The following DPYD variants were observed in gnomAD, a reference collection of about 807,000 sequenced individuals.
DPYD encodes the protein dihydropyrimidine dehydrogenase, also known as dihydropyrimidine dehydrogenase [NADP(+)].
DPYD carries 109 observed loss-of-function variants against 116.2 expected under a neutral mutation model. The ratio of observed to expected loss-of-function variants is 0.94; its 90% CI spans 0.80 to 1.10. The LOEUF (loss-of-function observed/expected upper bound fraction) is 1.10, where lower values mean the gene tolerates loss of function less well. Among genes scored for constraint, DPYD ranks in the 50% least tolerant of loss-of-function variants. The pLI, the probability that DPYD is intolerant of heterozygous loss-of-function variation, is 0.00. For missense variants in DPYD, 1,302 were observed against 1,254.5 expected (o/e 1.04, Z -0.57); for synonymous variants, 440 against 432.0 (o/e 1.02, Z -0.23).
At chr1:97,710,563 T>C (rs1462023927) in intron 5 of DPYD, among the ~76,000 whole-genome samples, 1 of 151,852 alleles carries the variant, frequency 6.6e-6, no homozygotes, top group Non-Finnish European at 1.5e-5. Context: ...CAAAGATTTT[T>C]TTCCATAATT....
rs1193831747 is a variant in DPYD at position 97,714,655 on chromosome 1, CAAAAAAA to C, written c.483+6848_483+6854del. On this transcript the variant is annotated intron_variant, in intron 5 of 22. Coordinates refer to ENST00000370192, the MANE Select transcript of DPYD (RefSeq NM_000110.4). ...GCTACAGAAGTTAAAAAAGAAAAGA[CAAAAAAA>C]AAAAAAAAAAAACAACTAAGCCGTA... is the stretch of plus-strand genomic sequence containing the variant. Among the ~76,000 whole-genome samples the C allele has an allele frequency of 8.0e-5, 4 of 49,940 alleles. No individual in the cohort carries two copies. In the East Asian group the frequency reaches 3.0e-3, roughly 37 times the overall value. 32.8% of individuals were successfully genotyped at this position (49,940 alleles called of 152,430 possible). A position where few individuals can be genotyped will look rare whatever the true frequency, so the allele number is the denominator to read the frequency against.
chr1:97,892,884 G>C (rs1275189526), intron 1 of DPYD, among the ~76,000 whole-genome samples: 2 of 151,758 alleles, frequency 1.3e-5, no homozygotes, highest in African/African-American at 4.8e-5. Context: ...TAGTGTTTGA[G>C]ATTAAATTTG....
intron 12 of DPYD, among the ~76,000 whole-genome samples, chr1:97,532,759 T>C (rs984476197): frequency 6.6e-6 from 1 of 151,314 alleles, no homozygotes; most frequent in Non-Finnish European, 1.5e-5. Context: ...TCTTTTTTTT[T>C]CTTGGTTCAG....
chr1:97,150,024 C>G (rs1019922046), intron 20 of DPYD, among the ~76,000 whole-genome samples: 2 of 152,062 alleles, frequency 1.3e-5, no homozygotes, highest in African/African-American at 4.8e-5. Context: ...TGTGGCGTTA[C>G]TTCCTCTTTT....
chr1:97,497,364 G>A (rs1679328958), intron 13 of DPYD, among the ~76,000 whole-genome samples: 1 of 151,726 alleles, frequency 6.6e-6, no homozygotes. Flanking sequence ...CTATTCTTTG[G>A]AAGTTGCCTG....
At chr1:97,726,138 T>C (rs1663244865) in intron 4 of DPYD, among the ~76,000 whole-genome samples, 1 of 151,530 alleles carries the variant, frequency 6.6e-6, no homozygotes, top group Non-Finnish European at 1.5e-5. Context: ...TTGGAATCAT[T>C]TTTCTTCTGA....
intron 13 of DPYD, among the ~76,000 whole-genome samples, chr1:97,479,746 A>C (rs536010572): frequency 1.3e-5 from 2 of 152,224 alleles, no homozygotes; most frequent in African/African-American, 4.8e-5. Context: ...GAAACAAGGT[A>C]TGTTTGTGAG....
intron 21 of DPYD, among the ~76,000 whole-genome samples, chr1:97,084,517 GC>G (rs1649377476): frequency 6.6e-6 from 1 of 150,922 alleles, no homozygotes. Flanking sequence ...TTTTTTGATG[GC>G]CAATATCTAT....
intron 13 of DPYD, among the ~76,000 whole-genome samples, chr1:97,507,079 T>C (rs1017216763): frequency 6.6e-6 from 1 of 152,052 alleles, no homozygotes; most frequent in Admixed American, 6.6e-5. Flanking sequence ...GCTTGCTAAA[T>C]AGTCTTGAAG....
At chr1:97,472,792 TC>T (rs2101856665) in intron 13 of DPYD, among the ~76,000 whole-genome samples, 1 of 152,272 alleles carries the variant, frequency 6.6e-6, no homozygotes, top group African/African-American at 2.4e-5. Context: ...GATAAAATGT[TC>T]CCCTAATTAT....
chr1:97,246,884 T>C (rs1376557788), intron 18 of DPYD, among the ~76,000 whole-genome samples: 2 of 152,110 alleles, frequency 1.3e-5, no homozygotes, highest in African/African-American at 4.8e-5. Flanking sequence ...TTGTTAATTA[T>C]TAATAAATTA....
intron 20 of DPYD, among the ~76,000 whole-genome samples, chr1:97,145,625 A>G (rs772385587): frequency 6.6e-6 from 1 of 152,134 alleles, no homozygotes; most frequent in Non-Finnish European, 1.5e-5. Flanking sequence ...TAAAATATGC[A>G]TCCTATTACT....
chr1:97,225,055 A>ATCTATCTATCTG (rs1411102672), intron 19 of DPYD, among the ~76,000 whole-genome samples: 27 of 141,016 alleles, frequency 1.9e-4, no homozygotes, highest in African/African-American at 6.5e-4. Context: ...CTATCTATCT[A>ATCTATCTATCTG]TCTGTCTATC....
chr1:97,207,812 A>T (rs1386781493), intron 19 of DPYD, among the ~76,000 whole-genome samples: 1 of 152,110 alleles, frequency 6.6e-6, no homozygotes, highest in African/African-American at 2.4e-5. Flanking sequence ...TGCATCACGC[A>T]CCAATAGAGG....
chr1:97,424,580 T>C (rs1674764324), intron 14 of DPYD, among the ~76,000 whole-genome samples: 1 of 152,108 alleles, frequency 6.6e-6, no homozygotes, highest in Admixed American at 6.6e-5. Flanking sequence ...TTATCATTTC[T>C]TATGCAAATA....
chr1:97,516,656 C>T (rs983773927), intron 12 of DPYD, among the ~76,000 whole-genome samples: 2 of 151,994 alleles, frequency 1.3e-5, no homozygotes, highest in Admixed American at 6.6e-5. Context: ...GGTAATAATG[C>T]TTCTTTGCAG....
chr1:97,643,518 A>G (rs563482666), intron 8 of DPYD, among the ~76,000 whole-genome samples: 1 of 152,194 alleles, frequency 6.6e-6, no homozygotes, highest in Non-Finnish European at 1.5e-5. Flanking sequence ...ATTGTGGATG[A>G]CAGTGTGACA....
intron 20 of DPYD, among the ~76,000 whole-genome samples, chr1:97,181,517 T>A (rs1195213889): frequency 6.6e-6 from 1 of 152,112 alleles, no homozygotes; most frequent in East Asian, 1.9e-4. Context: ...TCTCAATTAT[T>A]TAGAAGCTTT....
intron 13 of DPYD, among the ~76,000 whole-genome samples, chr1:97,481,026 T>C (rs1478484510): frequency 6.6e-6 from 1 of 152,006 alleles, no homozygotes; most frequent in Non-Finnish European, 1.5e-5. Context: ...AAAGACAATG[T>C]AATATGAAAA....
Sources: allele counts gnomAD v4.1 joint callset (sites outside exome capture counted in the v4.1 genomes callset), GRCh38; gene constraint gnomAD v4.1.1; transcripts MANE v1.5; gene names NCBI Gene and HGNC (gene_info 2026-07-23, HGNC 2026-07-21).